AKAP13: variants seen among roughly 807,000 people sequenced by gnomAD.
AKAP13 encodes A-kinase anchor protein 13.
A neutral mutation model predicts 264.5 loss-of-function variants in AKAP13; 80 were observed. The observed-to-expected ratio is 0.30, with a 90% CI of 0.25 to 0.36. AKAP13 has a LOEUF of 0.36. Ranked by LOEUF, AKAP13 falls within the 10% of genes least tolerant of loss-of-function variation. The probability of loss-of-function intolerance (pLI) is 1.00; values close to 1 mark genes in which losing one functional copy is unlikely to be tolerated. For synonymous variants in AKAP13, 1,380 were observed against 1,250.2 expected (o/e 1.10, Z -2.19); for missense variants, 3,712 against 3,435.2 (o/e 1.08, Z -2.01).
intron 1 of AKAP13, among the ~76,000 whole-genome samples, chr15:85,430,991 C>G (rs2073002825): frequency 6.6e-6 from 1 of 152,170 alleles, no homozygotes; most frequent in Non-Finnish European, 1.5e-5. Flanking sequence ...TCACTTTTCT[C>G]TTTTCCTTAT....
chr15:85,674,292 A>G (rs1431998428), intron 14 of AKAP13, among the ~76,000 whole-genome samples: 1 of 152,212 alleles, frequency 6.6e-6, no homozygotes, highest in Non-Finnish European at 1.5e-5. Context: ...AAAATTCCAC[A>G]TATAAGGCCT....
intron 4 of AKAP13, among the ~76,000 whole-genome samples, chr15:85,543,461 T>C (rs2077636176): frequency 6.6e-6 from 1 of 152,222 alleles, no homozygotes; most frequent in Non-Finnish European, 1.5e-5. Flanking sequence ...TATGCCTGCC[T>C]GTGAAATTGG....
chr15:85,441,010 G>A (rs2073625792), intron 1 of AKAP13, among the ~76,000 whole-genome samples: 1 of 152,158 alleles, frequency 6.6e-6, no homozygotes, highest in African/African-American at 2.4e-5. Context: ...TGTCATTGGT[G>A]TCATTCGAAG....
chr15:85,674,496 G>A (rs768659556), intron 14 of AKAP13, among the ~76,000 whole-genome samples: 1 of 152,190 alleles, frequency 6.6e-6, no homozygotes, highest in Non-Finnish European at 1.5e-5. Context: ...TACTCTGTGT[G>A]TATCACAAAG....
chr15:85,582,837 T>G (rs2079180908), intron 7 of AKAP13: 4 of 984,086 alleles, frequency 4.1e-6, no homozygotes, highest in Non-Finnish European at 4.8e-6. Flanking sequence ...AAGCCCAGTC[T>G]GCTGAGCTGC....
chr15:85,432,402 T>G (rs1238703369), intron 1 of AKAP13, among the ~76,000 whole-genome samples: 2 of 152,082 alleles, frequency 1.3e-5, no homozygotes, highest in Non-Finnish European at 2.9e-5. Context: ...TGAGGATAGC[T>G]GAAACATTTT....
intron 17 of AKAP13, among the ~76,000 whole-genome samples, chr15:85,706,534 T>C (rs765942393): frequency 1.3e-4 from 20 of 152,212 alleles, no homozygotes; most frequent in Non-Finnish European, 2.4e-4. Context: ...AGTACATACA[T>C]ACATGCAGAG....
intron 5 of AKAP13, among the ~76,000 whole-genome samples, chr15:85,551,628 T>C (rs1387026386): frequency 1.3e-5 from 2 of 152,262 alleles, no homozygotes; most frequent in East Asian, 3.8e-4. Flanking sequence ...ACATATGTAC[T>C]GAGCAAGGTA....
rs2087717945 is a variant in AKAP13 at position 85,727,965 on chromosome 15, GCTGA to G, written c.7087+506_7087+509del. On this transcript the variant is annotated intron_variant, in intron 29 of 36. Transcript: ENST00000394518. The surrounding 1 kb of genome is among the most constrained non-coding windows in gnomAD (Gnocchi z 5.3). Reference sequence around the variant, plus strand: ...TATGTTTGACCCTTATTTATTGAGTGCTGACTGTTTTGTGTAGTCTTGTCAGTAT... The same window carrying G: ...TATGTTTGACCCTTATTTATTGAGTGCTGTTTTGTGTAGTCTTGTCAGTAT... Among the ~76,000 whole-genome samples, 1 of 152,168 alleles carries G rather than the reference GCTGA, an allele frequency of 6.6e-6. No homozygotes were observed. The highest frequency in any genetic ancestry group is 6.5e-5 in the Admixed American group (1 of 15,276).
intron 17 of AKAP13, among the ~76,000 whole-genome samples, chr15:85,704,797 C>G (rs1208487994): frequency 6.6e-6 from 1 of 152,192 alleles, no homozygotes; most frequent in Non-Finnish European, 1.5e-5. Flanking sequence ...GATTTGTCTT[C>G]AATTCTTGTG....
chr15:85,477,107 G>T (rs1269523969), intron 1 of AKAP13, among the ~76,000 whole-genome samples: 1 of 151,944 alleles, frequency 6.6e-6, no homozygotes, highest in Non-Finnish European at 1.5e-5. Context: ...CCATGCCCTA[G>T]AACTCCCTAA....
intron 8 of AKAP13, among the ~76,000 whole-genome samples, chr15:85,621,755 T>C (rs2081197674): frequency 6.6e-6 from 1 of 152,142 alleles, no homozygotes; most frequent in Admixed American, 6.5e-5. Context: ...TTTTACCCCA[T>C]ATTCATATGA....
intron 1 of AKAP13, among the ~76,000 whole-genome samples, chr15:85,402,864 G>T (rs1358132180): frequency 6.6e-6 from 1 of 152,224 alleles, no homozygotes; most frequent in Non-Finnish European, 1.5e-5. Context: ...TTTCTAAAAT[G>T]TGTGCATTCT....
At chr15:85,689,717 C>G (rs2085164816) in intron 16 of AKAP13, among the ~76,000 whole-genome samples, 1 of 152,202 alleles carries the variant, frequency 6.6e-6, no homozygotes, top group Non-Finnish European at 1.5e-5. Flanking sequence ...AAAACTTGGC[C>G]TCAAACCTTG....
chr15:85,730,997 CTTT>C (rs71468134), intron 30 of AKAP13, among the ~76,000 whole-genome samples: 27 of 57,418 alleles, frequency 4.7e-4, no homozygotes, highest in African/African-American at 1.6e-3. Flanking sequence ...GTCACTTATG[CTTT>C]TTTTTTTTTT....
chr15:85,722,007 C>G lies in AKAP13; in HGVS notation c.6269C>G (p.Ala2090Gly), dbSNP rs768866670. 68 of 1,613,942 alleles carry G rather than the reference C, an allele frequency of 4.2e-5. No individual in the cohort carries two copies. Among genetic ancestry groups the G allele is most frequent in the Non-Finnish European group, 5.8e-5 (68 of 1,179,944 alleles). ...VLVNQFSGEN[A>G]ERLKKTYGKF... ...TCTCTGCAGTTTTCAGGTGAGAATG[C>G]AGAACGTTTAAAGAAGACATATGGC... is the stretch of plus-strand genomic sequence containing the variant. Residue 2090 changes from alanine (A) to glycine (G), a missense_variant, in exon 24 of 37, where the codon GCA becomes GGA. Physicochemically the swap from Ala to Gly is moderately conservative, Grantham distance 60. Around this residue, in one of 3 missense-constraint regions of AKAP13, gnomAD observed 342 missense variants for 484.3 expected, o/e 0.71. Transcript: ENST00000394518.
At chr15:85,649,047 A>G (rs2082685024) in intron 10 of AKAP13, among the ~76,000 whole-genome samples, 2 of 152,206 alleles carry the variant, frequency 1.3e-5, no homozygotes, top group Non-Finnish European at 2.9e-5. Flanking sequence ...TTGCTCTAGC[A>G]TTAATAAAAC....
At chr15:85,553,102 T>TTTTTGA (rs2078020576) in intron 5 of AKAP13, among the ~76,000 whole-genome samples, 2 of 149,508 alleles carry the variant, frequency 1.3e-5, no homozygotes, top group Non-Finnish European at 1.5e-5. Context: ...TTTTTTTTTT[T>TTTTTGA]GGAGACGGAG....
rs967764113 is a variant in AKAP13 at position 85,444,407 on chromosome 15, T to A, written c.-11-41303T>A. Among the ~76,000 whole-genome samples, 3 of 152,016 alleles carry A rather than the reference T, an allele frequency of 2.0e-5. No individual in the cohort carries two copies. In the East Asian group the frequency reaches 5.8e-4, roughly 29 times the overall value. Reference sequence around the variant, plus strand: ...GAGCAATAAAAGGTAGTTGAGGAGGTGTGGAAATGAAATCCTAAAGGCAAT... The same window carrying A: ...GAGCAATAAAAGGTAGTTGAGGAGGAGTGGAAATGAAATCCTAAAGGCAAT... On this transcript the variant is annotated intron_variant, in intron 1 of 36. Coordinates refer to ENST00000394518, the MANE Select transcript of AKAP13 (RefSeq NM_007200.5).
Sources: gnomAD v4.1 joint callset for allele counts (sites outside exome capture counted in the v4.1 genomes callset) on GRCh38, gnomAD v4.1.1 for gene constraint, gnomAD v4.1.1 regional missense constraint, Gnocchi (gnomAD v3.1) non-coding constraint, MANE v1.5 for transcripts, NCBI Gene and HGNC (gene_info 2026-07-23, HGNC 2026-07-21) for gene names.